CYP46A1: variants seen among roughly 807,000 people sequenced by gnomAD.
The protein encoded by CYP46A1 is cholesterol 24-hydroxylase.
In CYP46A1, 20 loss-of-function variants were observed where a neutral mutation model predicts 63.3. The observed-to-expected ratio is 0.32, with a 90% confidence interval of 0.22 to 0.46. The LOEUF (loss-of-function observed/expected upper bound fraction) is 0.46, where lower values mean the gene tolerates loss of function less well. Among genes scored for constraint, CYP46A1 ranks in the 20% least tolerant of loss-of-function variants. The pLI, the probability that CYP46A1 is intolerant of heterozygous loss-of-function variation, is 1.00. For missense variants in CYP46A1, 445 were observed against 670.8 expected, an observed-to-expected ratio of 0.66 and a Z score of 3.72; for synonymous variants, 268 against 273.6, an observed-to-expected ratio of 0.98 and a Z score of 0.20.
chr14:99,703,265 A>G (rs554185575), intron 5 of CYP46A1, among the ~76,000 whole-genome samples: 5 of 152,294 alleles, frequency 3.3e-5, no homozygotes, highest in African/African-American at 1.2e-4. Flanking sequence ...ATTCTTGACT[A>G]TGTAATCTGT....
chr14:99,726,305 G>A, intron 14 of CYP46A1, 49 bp downstream of exon 14: 2 of 1,587,326 alleles, frequency 1.3e-6, no homozygotes, highest in African/African-American at 1.3e-5. Context: ...TGCAGGGGTG[G>A]GGGCTCATCC....
chr14:99,686,347 A>T (rs772814883), intron 1 of CYP46A1, among the ~76,000 whole-genome samples: 2 of 152,232 alleles, frequency 1.3e-5, no homozygotes, highest in Non-Finnish European at 2.9e-5. Flanking sequence ...CTTAAAAAAA[A>T]TTGAAATGTA....
intron 7 of CYP46A1, among the ~76,000 whole-genome samples, chr14:99,715,402 C>T (rs1255356554): frequency 2.6e-5 from 4 of 152,164 alleles, no homozygotes; most frequent in Non-Finnish European, 4.4e-5. Flanking sequence ...GGCCCCCTCC[C>T]GTTCCCTGGG....
Position 99,700,039 on chromosome 14 carries a change from C to A in CYP46A1, c.381C>A (p.Ser127=). Residue 127 remains serine, a synonymous_variant, in exon 5 of 15, where the codon TCC becomes TCA. Transcript: ENST00000261835. ...GERLFGQGLV[S]ECNYERWHKQ... ...GACTCTTCGGCCAAGGCTTGGTGTCCGAATGCAACTATGAGCGCTGGCACA... is the reference window on the plus strand; with the variant it reads ...GACTCTTCGGCCAAGGCTTGGTGTCAGAATGCAACTATGAGCGCTGGCACA... The A allele has an allele frequency of 6.3e-7, 1 of 1,591,540 alleles. No homozygotes were observed. Among genetic ancestry groups the A allele is most frequent in the Non-Finnish European group, 8.6e-7 (1 of 1,166,808 alleles).
At chr14:99,694,295 C>CT (rs35121420) in intron 3 of CYP46A1, among the ~76,000 whole-genome samples, 41,008 of 136,706 alleles carry the variant, frequency 0.3, 6,701 homozygotes, top group South Asian at 0.38. Flanking sequence ...GATTTTCTTT[C>CT]TTTTTTTTTT....
chr14:99,691,324 G>C, intron 2 of CYP46A1, 163 bp downstream of exon 2: 1 of 675,062 alleles, frequency 1.5e-6, no homozygotes, highest in Admixed American at 2.5e-5. Context: ...AGGCTGGCTT[G>C]GAAGCCATGC....
chr14:99,690,312 AC>A (rs1351901681), intron 1 of CYP46A1, among the ~76,000 whole-genome samples: 2 of 152,156 alleles, frequency 1.3e-5, no homozygotes, highest in Non-Finnish European at 2.9e-5. Context: ...TGGGTTTTAA[AC>A]GGACACCCAC....
chr14:99,716,325 G>T, intron 9 of CYP46A1, 126 bp downstream of exon 9: 1 of 970,738 alleles, frequency 1.0e-6, no homozygotes, highest in Non-Finnish European at 1.6e-6. Flanking sequence ...CAGGGCTAGG[G>T]GGCTGGGCTG....
chr14:99,699,233 C>CT (rs1400950628), intron 3 of CYP46A1, among the ~76,000 whole-genome samples: 2 of 152,150 alleles, frequency 1.3e-5, no homozygotes, highest in Non-Finnish European at 2.9e-5. Flanking sequence ...CCCACGCTCT[C>CT]TGACTGTACG....
chr14:99,697,849 AC>A (rs2056598983), intron 3 of CYP46A1, among the ~76,000 whole-genome samples: 1 of 152,036 alleles, frequency 6.6e-6, no homozygotes, highest in Non-Finnish European at 1.5e-5. Flanking sequence ...ACCTGGTCAG[AC>A]CCTGACTGAG....
intron 7 of CYP46A1, chr14:99,713,533 A>G (rs1390633176): frequency 6.6e-6 from 1 of 152,136 alleles, no homozygotes; most frequent in Non-Finnish European, 1.5e-5. Context: ...ACATTGGTGT[A>G]GGCAAACATT....
Position 99,726,147 on chromosome 14 carries a change from C to T in CYP46A1, c.1266-43C>T, listed in dbSNP as rs757704140. On this transcript the variant is annotated intron_variant, in intron 13 of 14. Transcript: ENST00000261835. ...CTTCCTTATGTTGTTCCTGTGGGGA[C>T]GCCTGGGGCTGCTGGCCTCGTGATT... is the stretch of plus-strand genomic sequence containing the variant. 44 of 1,555,768 alleles carry T rather than the reference C, an allele frequency of 2.8e-5. No homozygotes were observed. In the South Asian group the frequency reaches 3.1e-4, roughly 11 times the overall value.
At position 99,699,674 on chromosome 14, in the gene CYP46A1, C is replaced by T. The variant is rs1413878926; in HGVS notation, c.356+135C>T. 1.9e-5 allele frequency: 17 copies of T among 910,612 alleles called. No homozygotes were observed. The East Asian group carries it at 3.4e-4, about 18-fold the overall frequency. The allele number at this position is 910,612 out of a possible 1,614,324, so 56.4% of individuals were successfully genotyped here. On this transcript the variant is annotated intron_variant, in intron 4 of 14. Transcript: ENST00000261835. ...GCTGCCAGGCATGTGATGAGTGCCCCGTAAACAGTGGCCCCACTCTTGTCA... is the reference window on the plus strand; with the variant it reads ...GCTGCCAGGCATGTGATGAGTGCCCTGTAAACAGTGGCCCCACTCTTGTCA...
rs778206250 is a variant in CYP46A1, at chr14:99,725,357, G to T, written c.1177-34G>T. The T allele has an allele frequency of 3.8e-6, 6 of 1,594,698 alleles. No individual in the cohort carries two copies. In the Admixed American group the frequency reaches 1.0e-4, roughly 27 times the overall value. On this transcript the variant is annotated intron_variant, in intron 12 of 14. Transcript: ENST00000261835. This position sits in a 1 kb window ranked among gnomAD's most constrained non-coding sequence, Gnocchi z 4.2. ...TCAAGAGGTGCCAGGGGAACAACCT[G>T]GGAACCAGAGATGAGCGGACCCTTT... is the stretch of plus-strand genomic sequence containing the variant.
intron 12 of CYP46A1, chr14:99,723,065 C>T (rs1360228748): frequency 3.4e-6 from 1 of 295,214 alleles, no homozygotes; most frequent in Non-Finnish European, 7.1e-6. Context: ...ATCTCCAGCA[C>T]TTAGCATGGT....
intron 5 of CYP46A1, among the ~76,000 whole-genome samples, chr14:99,705,442 C>G (rs2056667483): frequency 6.6e-6 from 1 of 152,132 alleles, no homozygotes; most frequent in Non-Finnish European, 1.5e-5. Context: ...GAACTCATGG[C>G]CGCAAGCAAT....
At chr14:99,699,981 C>T in intron 4 of CYP46A1, 34 bp from the exon 5 acceptor site, 5 of 602,514 alleles carry the variant, frequency 8.3e-6, no homozygotes, top group Non-Finnish European at 1.1e-5. Context: ...CACCCCCCAC[C>T]CTCTTTCCCG....
At chr14:99,716,676 G>A (rs1212314825) in intron 9 of CYP46A1, among the ~76,000 whole-genome samples, 2 of 152,180 alleles carry the variant, frequency 1.3e-5, no homozygotes, top group Non-Finnish European at 2.9e-5. Flanking sequence ...ACAGGCCTGG[G>A]GCTCCTCCCC....
chr14:99,688,649 G>A (rs946193997), intron 1 of CYP46A1, among the ~76,000 whole-genome samples: 1 of 152,078 alleles, frequency 6.6e-6, no homozygotes, highest in Non-Finnish European at 1.5e-5. Context: ...AGAATTCAAA[G>A]CTTGGAACAA....
Sources: gnomAD v4.1 joint callset for allele counts (sites outside exome capture counted in the v4.1 genomes callset) on GRCh38, gnomAD v4.1.1 for gene constraint, Gnocchi (gnomAD v3.1) non-coding constraint, MANE v1.5 for transcripts, NCBI Gene and HGNC (gene_info 2026-07-23, HGNC 2026-07-21) for gene names.